PCCA: variants seen among roughly 807,000 people sequenced by gnomAD.
PCCA encodes propionyl-CoA carboxylase alpha chain, mitochondrial.
In PCCA, 74 loss-of-function variants were observed where a neutral mutation model predicts 101.3. The observed-to-expected ratio is 0.73, with a 90% CI of 0.61 to 0.89. The LOEUF is 0.89. Among genes scored for constraint, PCCA ranks in the 40% least tolerant of loss-of-function variants. PCCA has a pLI of 0.00. For missense variants in PCCA, 891 were observed against 907.0 expected (o/e 0.98, Z 0.23); for synonymous variants, 294 against 313.6 (o/e 0.94, Z 0.66).
intron 7 of PCCA, among the ~76,000 whole-genome samples, chr13:100,231,258 C>A (rs1320892257): frequency 6.6e-6 from 1 of 152,178 alleles, no homozygotes. Flanking sequence ...CGTCCCGTGT[C>A]TTCAGGGCCC....
At chr13:100,182,765 AG>A (rs2056915864) in intron 6 of PCCA, among the ~76,000 whole-genome samples, 1 of 152,116 alleles carries the variant, frequency 6.6e-6, no homozygotes, top group African/African-American at 2.4e-5. Context: ...TCCTGAAAAG[AG>A]GAAAGCCTCT....
At chr13:100,134,054 G>T (rs1361261138) in intron 4 of PCCA, among the ~76,000 whole-genome samples, 1 of 152,140 alleles carries the variant, frequency 6.6e-6, no homozygotes, top group Non-Finnish European at 1.5e-5. Flanking sequence ...TGGCTTCCCT[G>T]CTCTTAGCTT....
At chr13:100,331,559 A>G (rs1304557173) in intron 17 of PCCA, among the ~76,000 whole-genome samples, 2 of 152,224 alleles carry the variant, frequency 1.3e-5, no homozygotes, top group Non-Finnish European at 2.9e-5. Flanking sequence ...CAGAGTTTTC[A>G]TAAGACTCAA....
chr13:100,204,511 C>T (rs1341934889), intron 6 of PCCA, among the ~76,000 whole-genome samples: 1 of 152,166 alleles, frequency 6.6e-6, no homozygotes, highest in Non-Finnish European at 1.5e-5. Flanking sequence ...AGCCTAAAAT[C>T]TATACGCTTT....
intron 7 of PCCA, among the ~76,000 whole-genome samples, chr13:100,225,244 G>A (rs993276540): frequency 1.3e-5 from 2 of 152,176 alleles, no homozygotes; most frequent in East Asian, 3.8e-4. Flanking sequence ...TATGTGATCT[G>A]TTCAATGTCA....
intron 7 of PCCA, among the ~76,000 whole-genome samples, chr13:100,224,240 G>T (rs1018290569): frequency 2.0e-5 from 3 of 152,234 alleles, no homozygotes; most frequent in Admixed American, 1.3e-4. Flanking sequence ...CGCAGTGCTG[G>T]TGGGCTGGCA....
At chr13:100,163,043 G>T (rs746392029) in intron 6 of PCCA, among the ~76,000 whole-genome samples, 6 of 152,116 alleles carry the variant, frequency 3.9e-5, no homozygotes, top group Non-Finnish European at 8.8e-5. Context: ...TTTTGAATGC[G>T]ATGTGGAATA....
At chr13:100,527,855 T>G in intron 23 of PCCA, 103 bp downstream of exon 23, 1 of 856,882 alleles carries the variant, frequency 1.2e-6, no homozygotes, top group South Asian at 1.3e-5. Context: ...AGAGGCGCCC[T>G]CTCCCCCTCG....
intron 7 of PCCA, among the ~76,000 whole-genome samples, chr13:100,211,992 G>A (rs1050477928): frequency 3.3e-5 from 5 of 151,848 alleles, no homozygotes; most frequent in African/African-American, 4.8e-5. Context: ...CCTTCCCCTC[G>A]GCCTCCCAAA....
chr13:100,453,860 G>T (rs2030560475), intron 21 of PCCA, among the ~76,000 whole-genome samples: 1 of 152,068 alleles, frequency 6.6e-6, no homozygotes, highest in Non-Finnish European at 1.5e-5. Flanking sequence ...TTTTTGATTT[G>T]TTTTGTTTTG....
At chr13:100,454,824 CTG>C (rs1403328316) in intron 21 of PCCA, among the ~76,000 whole-genome samples, 1 of 151,994 alleles carries the variant, frequency 6.6e-6, no homozygotes, top group Non-Finnish European at 1.5e-5. Flanking sequence ...TTTATTCACT[CTG>C]AACTTTTAAA....
intron 18 of PCCA, among the ~76,000 whole-genome samples, chr13:100,351,707 T>C (rs1259815189): frequency 6.6e-6 from 1 of 152,172 alleles, no homozygotes; most frequent in Non-Finnish European, 1.5e-5. Flanking sequence ...AACTACCTTT[T>C]CCTTAAAATA....
At chr13:100,271,725 T>C (rs1015676807) in intron 11 of PCCA, among the ~76,000 whole-genome samples, 3 of 152,210 alleles carry the variant, frequency 2.0e-5, no homozygotes, top group Non-Finnish European at 4.4e-5. Flanking sequence ...TTTAAGGAGT[T>C]CTTGTTTTTT....
intron 12 of PCCA, among the ~76,000 whole-genome samples, chr13:100,287,279 C>T (rs960144359): frequency 2.8e-4 from 43 of 151,850 alleles, no homozygotes; most frequent in African/African-American, 9.4e-4. Flanking sequence ...CTATTCCTTT[C>T]TCATTACTTT....
intron 6 of PCCA, among the ~76,000 whole-genome samples, chr13:100,182,344 G>A (rs1001346668): frequency 6.6e-6 from 1 of 152,030 alleles, no homozygotes; most frequent in African/African-American, 2.4e-5. Context: ...TGATCCTCCT[G>A]CCTCGGCCTC....
At position 100,355,330 on chromosome 13, in the gene PCCA, T is replaced by C. The variant is rs557656262; in HGVS notation, c.1644-13142T>C. Reference sequence around the variant, plus strand: ...TCAGACTGATGAGGAGCATGTGTAATAAACCCACACCTGAAAATAAGGGCA... The same window carrying C: ...TCAGACTGATGAGGAGCATGTGTAACAAACCCACACCTGAAAATAAGGGCA... On this transcript the variant is annotated intron_variant, in intron 18 of 23. Coordinates refer to ENST00000376285, the MANE Select transcript of PCCA (RefSeq NM_000282.4). Among the ~76,000 whole-genome samples, 5 of 152,202 alleles carry C rather than the reference T, an allele frequency of 3.3e-5. No homozygotes were observed. In the South Asian group the frequency reaches 1.0e-3, roughly 32 times the overall value.
intron 19 of PCCA, among the ~76,000 whole-genome samples, chr13:100,406,438 C>T (rs941425824): frequency 5.3e-5 from 8 of 152,342 alleles, no homozygotes; most frequent in Admixed American, 3.9e-4. Context: ...GGTGCGGCCG[C>T]TCACGCCTGT....
At chr13:100,264,014 C>A (rs187226636) in intron 10 of PCCA, among the ~76,000 whole-genome samples, 1 of 141,408 alleles carries the variant, frequency 7.1e-6, no homozygotes, top group Non-Finnish European at 1.5e-5. Flanking sequence ...CGTATATATA[C>A]GGTATCTGTA....
At chr13:100,358,958 G>A (rs1595565683) in intron 18 of PCCA, among the ~76,000 whole-genome samples, 1 of 152,202 alleles carries the variant, frequency 6.6e-6, no homozygotes, top group East Asian at 1.9e-4. Flanking sequence ...TTAGCCAGGT[G>A]TGGTGGTGCA....
Sources: gnomAD v4.1 joint callset for allele counts (sites outside exome capture counted in the v4.1 genomes callset) on GRCh38, gnomAD v4.1.1 for gene constraint, MANE v1.5 for transcripts, NCBI Gene and HGNC (gene_info 2026-07-23, HGNC 2026-07-21) for gene names.